The following HIPK1 variants were observed in gnomAD, a reference collection of about 807,000 sequenced individuals.
HIPK1 encodes homeodomain interacting protein kinase 1.
Under a neutral mutation model 117.1 loss-of-function variants are expected in HIPK1, and 28 were observed. That is an observed-to-expected ratio of 0.24 (90% CI 0.18 to 0.33). HIPK1 has a LOEUF of 0.33. Among genes scored for constraint, HIPK1 ranks in the 10% least tolerant of loss-of-function variants. The pLI, the probability that HIPK1 is intolerant of heterozygous loss-of-function variation, is 1.00. For missense variants in HIPK1, 1,122 were observed against 1,475.1 expected (o/e 0.76, Z 3.92); for synonymous variants, 605 against 562.5 (o/e 1.08, Z -1.07).
chr1:113,966,402 C>T, intron 11 of HIPK1, 130 bp downstream of exon 11: 1 of 745,182 alleles, frequency 1.3e-6, no homozygotes, highest in Non-Finnish European at 2.1e-6. Flanking sequence ...CTTTAAGAAC[C>T]CATATCAGGC....
chr1:113,946,507 TG>T lies in HIPK1; in HGVS notation c.1076+5050del, dbSNP rs141993699. ...TTAATACAAAATAAAATGAATTATT[TG>T]GCTGCTTAGCTTTCTGTAATGTGTA... On this transcript the variant is annotated intron_variant, in intron 2 of 15. Transcript: ENST00000426820. 7.9e-5 allele frequency among the ~76,000 whole-genome samples: 12 copies of T among 152,396 alleles called. No homozygotes were observed. In the East Asian group the frequency reaches 1.7e-3, roughly 22 times the overall value.
chr1:113,942,648 A>G (rs1319827544), intron 2 of HIPK1, among the ~76,000 whole-genome samples: 1 of 152,142 alleles, frequency 6.6e-6, no homozygotes, highest in Admixed American at 6.5e-5. Context: ...TACTTTAATG[A>G]TATATATTTC....
chr1:113,962,714 GT>G (rs561945011), intron 9 of HIPK1, among the ~76,000 whole-genome samples: 1 of 150,736 alleles, frequency 6.6e-6, no homozygotes. Context: ...GGGGTGAAGC[GT>G]TTTTTTTTGT....
intron 1 of HIPK1, among the ~76,000 whole-genome samples, chr1:113,931,198 G>A (rs59719046): frequency 6.8e-6 from 1 of 146,868 alleles, no homozygotes; most frequent in East Asian, 2.0e-4. Context: ...AGATTATAGA[G>A]AATGCAAACT....
chr1:113,947,067 T>C (rs1503832), intron 2 of HIPK1, among the ~76,000 whole-genome samples: 46,711 of 152,082 alleles, frequency 0.31, 7,538 homozygotes, highest in African/African-American at 0.41. Flanking sequence ...AGCTAGTCCT[T>C]CTCTTACCCA....
intron 4 of HIPK1, among the ~76,000 whole-genome samples, chr1:113,954,990 C>T (rs1474835819): frequency 6.6e-6 from 1 of 152,210 alleles, no homozygotes; most frequent in African/African-American, 2.4e-5. Flanking sequence ...TGTATATGTT[C>T]AATCCACAGC....
At chr1:113,962,562 TAAAATG>T in intron 9 of HIPK1, 124 bp downstream of exon 9, 1 of 916,720 alleles carries the variant, frequency 1.1e-6, no homozygotes, top group Non-Finnish European at 1.6e-6. Context: ...TCAGTGGACT[TAAAATG>T]AAACATCTCT....
chr1:113,954,865 G>T (rs1255245537), intron 4 of HIPK1, 95 bp downstream of exon 4: 6 of 1,147,590 alleles, frequency 5.2e-6, no homozygotes, highest in African/African-American at 1.5e-5. Flanking sequence ...TTCAGGTAGA[G>T]AAGGGAAAGG....
chr1:113,945,674 C>T (rs1670943104), intron 2 of HIPK1, among the ~76,000 whole-genome samples: 1 of 152,104 alleles, frequency 6.6e-6, no homozygotes, highest in Non-Finnish European at 1.5e-5. Context: ...ATTGCTTTCC[C>T]ATTTTCAATG....
At chr1:113,933,780 T>C (rs184861603) in intron 1 of HIPK1, among the ~76,000 whole-genome samples, 1 of 151,798 alleles carries the variant, frequency 6.6e-6, no homozygotes, top group African/African-American at 2.4e-5. Context: ...GGTAGGAGGG[T>C]GGATTGAGCC....
At chr1:113,953,370 A>G (rs1244773979) in intron 3 of HIPK1, among the ~76,000 whole-genome samples, 2 of 152,252 alleles carry the variant, frequency 1.3e-5, no homozygotes, top group African/African-American at 2.4e-5. Flanking sequence ...AAAGGAAATC[A>G]TCTGAGTTGT....
chr1:113,956,621 T>C lies in HIPK1; in HGVS notation c.1408-6T>C. On this transcript the variant is annotated splice_polypyrimidine_tract_variant and splice_region_variant and intron_variant, in intron 5 of 15. Transcript: ENST00000426820. ...AAGAAGTATAATTCTGAATTTTCTT[T>C]GGAAGGTGAATATGTCTACAGACCT... The C allele has an allele frequency of 6.2e-7, 1 of 1,604,986 alleles. No individual in the cohort carries two copies. Among genetic ancestry groups the C allele is most frequent in the Non-Finnish European group, 8.5e-7 (1 of 1,176,206 alleles).
chr1:113,962,578 T>A, intron 9 of HIPK1, 140 bp downstream of exon 9: 2 of 723,278 alleles, frequency 2.8e-6, no homozygotes, highest in Non-Finnish European at 4.2e-6. Context: ...GAAACATCTC[T>A]ATGGAACAAT....
Position 113,973,355 on chromosome 1 carries a change from G to A in HIPK1, c.3476G>A (p.Ser1159Asn), listed in dbSNP as rs1672971894. The change falls in exon 16 of 16, where the codon AGT becomes AAT. Residue 1159 changes from serine (S) to asparagine (N), a missense_variant. Coordinates refer to ENST00000426820, the MANE Select transcript of HIPK1 (RefSeq NM_198268.3). ...PSTLVHQVPV[S>N]VGPSLLTSAS... ...ACTTTGGTGCACCAGGTCCCTGTCAGTGTTGGGCCCAGCCTCCTCACTTCT... is the reference window on the plus strand; with the variant it reads ...ACTTTGGTGCACCAGGTCCCTGTCAATGTTGGGCCCAGCCTCCTCACTTCT... 2 of 1,614,036 alleles carry A rather than the reference G, an allele frequency of 1.2e-6. No individual in the cohort carries two copies. Among genetic ancestry groups the A allele is most frequent in the South Asian group, 1.1e-5 (1 of 91,078 alleles).
intron 10 of HIPK1, among the ~76,000 whole-genome samples, chr1:113,965,270 T>G (rs1247998097): frequency 1.3e-5 from 2 of 152,100 alleles, no homozygotes; most frequent in African/African-American, 4.8e-5. Flanking sequence ...AAAAGGAAAC[T>G]TCCAAATCCG....
At chr1:113,947,486 G>T (rs1671061939) in intron 2 of HIPK1, among the ~76,000 whole-genome samples, 1 of 152,206 alleles carries the variant, frequency 6.6e-6, no homozygotes, top group African/African-American at 2.4e-5. Context: ...ACTGATGCAG[G>T]AAGTTAGGTT....
chr1:113,929,811 C>A, intron 1 of HIPK1: 1 of 800,618 alleles, frequency 1.2e-6, no homozygotes, highest in South Asian at 5.9e-5. Context: ...CTCCGGGGGG[C>A]GGGGGCCGGG....
At chr1:113,932,912 C>T (rs1362811067) in intron 1 of HIPK1, among the ~76,000 whole-genome samples, 5 of 152,176 alleles carry the variant, frequency 3.3e-5, no homozygotes, top group Non-Finnish European at 1.5e-5. Flanking sequence ...CTGCTGTTGC[C>T]TTACTTAAGT....
Position 113,957,269 on chromosome 1 carries a change from A to G in HIPK1, c.1738A>G (p.Asn580Asp). The change falls in exon 7 of 16, where the codon AAT (asparagine) becomes GAT (aspartate). Residue 580 changes from asparagine to aspartate, a missense_variant. Coordinates refer to ENST00000426820, the MANE Select transcript of HIPK1 (RefSeq NM_198268.3). The part of the protein sequence containing the change: ...NLTMSFSNQL[N>D]TVHNQASVLA... ...AACCATGAGCTTCAGCAATCAGCTC[A>G]ATACAGTGCACAATCAGGTATTCAA... 1.2e-6 allele frequency: 2 copies of G among 1,613,304 alleles called. No individual in the cohort carries two copies. The highest frequency in any genetic ancestry group is 2.2e-5 in the East Asian group (1 of 44,866).
Sources: allele counts gnomAD v4.1 joint callset (sites outside exome capture counted in the v4.1 genomes callset), GRCh38; gene constraint gnomAD v4.1.1; transcripts MANE v1.5; gene names NCBI Gene and HGNC (gene_info 2026-07-23, HGNC 2026-07-21).